The following SDR42E1 variants were observed in gnomAD, a reference collection of about 807,000 sequenced individuals.
The protein encoded by SDR42E1 is short-chain dehydrogenase/reductase family 42E member 1.
A neutral mutation model predicts 2.6 loss-of-function variants in SDR42E1; 5 were observed. The observed-to-expected ratio is 1.94, with a 90% CI of 1.01 to 4.08. SDR42E1 has a LOEUF of 4.08. SDR42E1 is among the 30% of genes most tolerant of loss of function. The pLI is 0.00. For missense variants in SDR42E1, 596 were observed against 478.6 expected (o/e 1.25, Z -2.29); for synonymous variants, 231 against 188.3 (o/e 1.23, Z -1.86).
chr16:82,007,387 A>T (rs1912975355), intron 1 of SDR42E1, among the ~76,000 whole-genome samples: 1 of 152,212 alleles, frequency 6.6e-6, no homozygotes, highest in East Asian at 1.9e-4. Flanking sequence ...ACTCTCTGCC[A>T]GGCATTGTGC....
chr16:81,999,666 G>C lies in SDR42E1; in HGVS notation c.627C>G (p.Phe209Leu). 6.2e-7 allele frequency: 1 copy of C among 1,614,204 alleles called. No homozygotes were observed. The highest frequency in any genetic ancestry group is 2.2e-5 in the East Asian group (1 of 44,886). The change falls in exon 3 of 3, where the codon TTC becomes TTG. Residue 209 changes from phenylalanine (F) to leucine (L), a missense_variant. Physicochemically the swap from Phe to Leu is conservative, Grantham distance 22 (BLOSUM62 0). Transcript: ENST00000328945. ...TCCTGGGGTCCCCGTAGACAAACTT[G>C]AACAGACCCTTCTCGATGTAGCTGA... ...RIVSYIEKGL[F>L]KFVYGDPRSL...
intron 1 of SDR42E1, among the ~76,000 whole-genome samples, chr16:82,001,287 G>C (rs1182181250): frequency 2.0e-5 from 3 of 152,112 alleles, no homozygotes; most frequent in African/African-American, 4.8e-5. Context: ...CAGAAAATTA[G>C]AGAGCACTCT....
rs1457142470 is a variant in SDR42E1, at chr16:81,989,432, A to G, written c.*9679T>C. 1 of 152,266 alleles carries G rather than the reference A, an allele frequency of 6.6e-6. No individual in the cohort carries two copies. Among genetic ancestry groups the G allele is most frequent in the Non-Finnish European group, 1.5e-5 (1 of 68,054 alleles). The allele number at this position is 152,266 out of a possible 1,614,324, so 9.4% of individuals were successfully genotyped here. On this transcript the variant is annotated 3_prime_UTR_variant, in exon 3 of 3. Coordinates refer to ENST00000328945, the MANE Select transcript of SDR42E1 (RefSeq NM_145168.3). ...ATCCGTAATATTTTAACATTATATA[A>G]GAAAAATACATCTATGCATTATTTG... is the stretch of plus-strand genomic sequence containing the variant.
Position 82,006,024 on chromosome 16 carries a change from T to G in SDR42E1, c.-26-5140A>C, listed in dbSNP as rs181953849. 3.6e-3 allele frequency among the ~76,000 whole-genome samples: 546 copies of G among 152,264 alleles called. 2 individuals carry two copies. The highest frequency in any genetic ancestry group is 0.012 in the African/African-American group (517 of 41,552). On this transcript the variant is annotated intron_variant, in intron 1 of 2. Transcript: ENST00000328945. ...CTAATTAAATGCTAAAGATCAGAAA[T>G]AAGAACCTTTGATTACGCACACCGT...
Position 81,999,712 on chromosome 16 carries a change from T to A in SDR42E1, c.581A>T (p.Gln194Leu). The A allele has an allele frequency of 6.2e-7, 1 of 1,614,216 alleles. No individual in the cohort carries two copies. Among genetic ancestry groups the A allele is most frequent in the Non-Finnish European group, 8.5e-7 (1 of 1,180,028 alleles). ...GCTGACTATCCTGGGAAGGTGTCTT[T>A]GTTCTCCAGGCCCATAGATGCCAGC... ...RPAGIYGPGE[Q>L]RHLPRIVSYI... Residue 194 changes from glutamine (Q) to leucine (L), a missense_variant, in exon 3 of 3, where the codon CAA becomes CTA. Coordinates refer to ENST00000328945, the MANE Select transcript of SDR42E1 (RefSeq NM_145168.3).
chr16:82,005,276 C>T (rs1385268705), intron 1 of SDR42E1, among the ~76,000 whole-genome samples: 1 of 152,202 alleles, frequency 6.6e-6, no homozygotes, highest in Non-Finnish European at 1.5e-5. Flanking sequence ...ACTCCATTAC[C>T]TTCCAACTAG....
chr16:82,006,239 A>G (rs1284034658), intron 1 of SDR42E1, among the ~76,000 whole-genome samples: 4 of 152,228 alleles, frequency 2.6e-5, no homozygotes, highest in African/African-American at 9.6e-5. Flanking sequence ...TCCAAGTACT[A>G]TAACCCCATG....
At position 81,999,301 on chromosome 16, in the gene SDR42E1, T is replaced by G; in HGVS notation, c.992A>C (p.Lys331Thr). ...VTHYFSLEKAKKELGYKAQPF... is the reference protein window; with the variant it reads ...VTHYFSLEKATKELGYKAQPF... ...CTGAGCCTTATAACCTAGCTCTTTC[T>G]TGGCTTTCTCTAAGCTAAAATAATG... Residue 331 changes from lysine (K) to threonine (T), a missense_variant, in exon 3 of 3, where the codon AAG becomes ACG. By Grantham distance (78) the Lys-to-Thr change is moderately conservative (BLOSUM62 -1). Transcript: ENST00000328945. 6.2e-7 allele frequency: 1 copy of G among 1,614,248 alleles called. No individual in the cohort carries two copies. The highest frequency in any genetic ancestry group is 8.5e-7 in the Non-Finnish European group (1 of 1,180,048).
At chr16:82,010,075 A>G (rs1913076935) in intron 1 of SDR42E1, among the ~76,000 whole-genome samples, 1 of 152,242 alleles carries the variant, frequency 6.6e-6, no homozygotes, top group Non-Finnish European at 1.5e-5. Flanking sequence ...TTCTGGCATG[A>G]TTATGAGGCT....
intron 2 of SDR42E1, 51 bp from the exon 3 acceptor site, chr16:82,000,275 TA>T (rs1438990974): frequency 6.3e-7 from 1 of 1,595,594 alleles, no homozygotes; most frequent in Non-Finnish European, 8.5e-7. Flanking sequence ...AAGCTGTGCC[TA>T]GGGGAAGTGT....
Position 81,994,645 on chromosome 16 carries a change from A to G in SDR42E1, c.*4466T>C, listed in dbSNP as rs890875404. ...AGATGCTGGTGAAGATTTTAATAAC[A>G]TTGCTGGTGCTGGCTTCCAAGGCCA... is the stretch of plus-strand genomic sequence containing the variant. On this transcript the variant is annotated 3_prime_UTR_variant, in exon 3 of 3. Coordinates refer to ENST00000328945, the MANE Select transcript of SDR42E1 (RefSeq NM_145168.3). The G allele has an allele frequency of 4.6e-5, 7 of 152,302 alleles. No homozygotes were observed. Among genetic ancestry groups the G allele is most frequent in the African/African-American group, 1.2e-4 (5 of 41,556 alleles). 9.4% of individuals were successfully genotyped at this position (152,302 alleles called of 1,614,324 possible).
rs951101022 is a variant in SDR42E1, at chr16:81,996,539, T to A, written c.*2572A>T. ...CACTTTGGCTACACTGGCTGACAGGTGCATGTGGGACATCCATGTGGAGTT... is the reference window on the plus strand; with the variant it reads ...CACTTTGGCTACACTGGCTGACAGGAGCATGTGGGACATCCATGTGGAGTT... On this transcript the variant is annotated 3_prime_UTR_variant, in exon 3 of 3. Transcript: ENST00000328945. The A allele has an allele frequency of 6.6e-6, 1 of 152,078 alleles. No individual in the cohort carries two copies. The highest frequency in any genetic ancestry group is 1.5e-5 in the Non-Finnish European group (1 of 68,046). The allele number at this position is 152,078 out of a possible 1,614,324, so 9.4% of individuals were successfully genotyped here.
chr16:82,000,430 A>G (rs751325275), intron 2 of SDR42E1: 8 of 717,350 alleles, frequency 1.1e-5, no homozygotes, highest in African/African-American at 1.8e-5. Flanking sequence ...TAAATTACAA[A>G]GAGAGAGGCC....
chr16:81,993,039 C>T lies in SDR42E1; in HGVS notation c.*6072G>A, dbSNP rs898392010. 3 of 152,116 alleles carry T rather than the reference C, an allele frequency of 2.0e-5. No individual in the cohort carries two copies. Among genetic ancestry groups the T allele is most frequent in the South Asian group, 4.1e-4 (2 of 4,824 alleles). The allele number at this position is 152,116 out of a possible 1,614,324, so 9.4% of individuals were successfully genotyped here. On this transcript the variant is annotated 3_prime_UTR_variant, in exon 3 of 3. Coordinates refer to ENST00000328945, the MANE Select transcript of SDR42E1 (RefSeq NM_145168.3). The stretch of plus-strand genomic sequence containing the variant: ...CCCTTTGGCTCAAGAAAAAGAGGCT[C>T]TAGGTTGGCTGGAAAAGTCAGCACT...
intron 1 of SDR42E1, among the ~76,000 whole-genome samples, chr16:82,006,936 G>A (rs1912958977): frequency 6.6e-6 from 1 of 152,202 alleles, no homozygotes; most frequent in African/African-American, 2.4e-5. Flanking sequence ...TAGGTAGCAG[G>A]ACAGCTGTCT....
chr16:82,007,253 T>C (rs1436957824), intron 1 of SDR42E1, among the ~76,000 whole-genome samples: 3 of 152,360 alleles, frequency 2.0e-5, no homozygotes. Flanking sequence ...CAAGGAGTAC[T>C]ACACTTGTAC....
At position 81,993,208 on chromosome 16, in the gene SDR42E1, G is replaced by C. The variant is rs529169800; in HGVS notation, c.*5903C>G. On this transcript the variant is annotated 3_prime_UTR_variant, in exon 3 of 3. Transcript: ENST00000328945. Reference sequence around the variant, plus strand: ...AGCAAAGTTGTACTGAGCACCTGCTGTAGCAAAGCACTGCAAAGGGAAGAG... The same window carrying C: ...AGCAAAGTTGTACTGAGCACCTGCTCTAGCAAAGCACTGCAAAGGGAAGAG... 1 of 152,188 alleles carries C rather than the reference G, an allele frequency of 6.6e-6. No individual in the cohort carries two copies. The highest frequency in any genetic ancestry group is 1.5e-5 in the Non-Finnish European group (1 of 68,060). 9.4% of individuals were successfully genotyped at this position (152,188 alleles called of 1,614,324 possible). A position where few individuals can be genotyped will look rare whatever the true frequency, so the allele number is the denominator to read the frequency against.
chr16:81,999,461 G>C lies in SDR42E1; in HGVS notation c.832C>G (p.Pro278Ala). Residue 278 changes from proline to alanine, a missense_variant, in exon 3 of 3, where the codon CCG becomes GCG. Coordinates refer to ENST00000328945, the MANE Select transcript of SDR42E1 (RefSeq NM_145168.3). ...AAGGTCAATGGCAGGCGGGTAGACGGGAATGTGTAGCCCAGGCCCTCAACC... is the reference window on the plus strand; with the variant it reads ...AAGGTCAATGGCAGGCGGGTAGACGCGAATGTGTAGCCCAGGCCCTCAACC... Reference protein sequence around the residue: ...PLVEGLGYTFPSTRLPLTLVY... With the variant: ...PLVEGLGYTFASTRLPLTLVY... 2 of 1,614,162 alleles carry C rather than the reference G, an allele frequency of 1.2e-6. No individual in the cohort carries two copies. Among genetic ancestry groups the C allele is most frequent in the Non-Finnish European group, 1.7e-6 (2 of 1,180,038 alleles).
Position 81,994,194 on chromosome 16 carries a change from T to C in SDR42E1, c.*4917A>G, listed in dbSNP as rs1415785333. On this transcript the variant is annotated 3_prime_UTR_variant, in exon 3 of 3. Coordinates refer to ENST00000328945, the MANE Select transcript of SDR42E1 (RefSeq NM_145168.3). Reference sequence around the variant, plus strand: ...ATGATGAGCGTCCCGCAGGCAGCGTTACGGAACCCCAGTGTAGTCACCAGG... The same window carrying C: ...ATGATGAGCGTCCCGCAGGCAGCGTCACGGAACCCCAGTGTAGTCACCAGG... 1 of 152,222 alleles carries C rather than the reference T, an allele frequency of 6.6e-6. No homozygotes were observed. Among genetic ancestry groups the C allele is most frequent in the African/African-American group, 2.4e-5 (1 of 41,448 alleles). 9.4% of individuals were successfully genotyped at this position (152,222 alleles called of 1,614,324 possible). A position where few individuals can be genotyped will look rare whatever the true frequency, so the allele number is the denominator to read the frequency against.
Sources: allele counts gnomAD v4.1 joint callset (sites outside exome capture counted in the v4.1 genomes callset), GRCh38; gene constraint gnomAD v4.1.1; transcripts MANE v1.5; gene names NCBI Gene and HGNC (gene_info 2026-07-23, HGNC 2026-07-21).